Variants in MANBAL observed in about 807,000 individuals in gnomAD.
MANBAL encodes the protein mannosidase beta like.
A neutral mutation model predicts 6.4 loss-of-function variants in MANBAL; 1 was observed. The ratio of observed to expected loss-of-function variants is 0.16; its 90% CI spans 0.06 to 0.74. MANBAL has a LOEUF of 0.74. Among genes scored for constraint, MANBAL ranks in the 30% least tolerant of loss-of-function variants. The pLI is 0.78. For synonymous variants in MANBAL, 47 were observed against 45.8 expected (o/e 1.03, Z -0.10); for missense variants, 100 against 107.8 (o/e 0.93, Z 0.32).
chr20:37,306,839 T>A (rs566148343), intron 2 of MANBAL, among the ~76,000 whole-genome samples: 3 of 152,350 alleles, frequency 2.0e-5, no homozygotes, highest in South Asian at 2.1e-4. Flanking sequence ...ACAGTGCCGG[T>A]CCTTGGACTG....
intron 1 of MANBAL, among the ~76,000 whole-genome samples, chr20:37,294,221 A>G (rs2068940735): frequency 6.6e-6 from 1 of 152,182 alleles, no homozygotes; most frequent in Admixed American, 6.5e-5. Context: ...CCCCTTCTTC[A>G]GGGATTATTT....
chr20:37,316,585 CA>C lies in MANBAL; in HGVS notation c.*172del. ...TAACAGTCCCCAGGCTCCAGCTGGG[CA>C]ATCCACCACTTCCTCTTCCTTCTGC... On this transcript the variant is annotated 3_prime_UTR_variant, in exon 3 of 3. Transcript: ENST00000373606. 1 of 533,714 alleles carries C rather than the reference CA, an allele frequency of 1.9e-6. No homozygotes were observed. The highest frequency in any genetic ancestry group is 3.4e-6 in the Non-Finnish European group (1 of 295,516). 33.1% of individuals were successfully genotyped at this position (533,714 alleles called of 1,614,324 possible).
intron 2 of MANBAL, among the ~76,000 whole-genome samples, chr20:37,313,218 A>G (rs745700516): frequency 6.6e-6 from 1 of 152,030 alleles, no homozygotes; most frequent in Non-Finnish European, 1.5e-5. Flanking sequence ...CTCTACTAAA[A>G]ACATAAAAAT....
chr20:37,290,222 A>G (rs907248832), intron 1 of MANBAL, among the ~76,000 whole-genome samples: 20 of 152,252 alleles, frequency 1.3e-4, no homozygotes, highest in African/African-American at 3.9e-4. Flanking sequence ...TATGAGAAAC[A>G]TTTTTAAAAT....
chr20:37,313,769 G>A (rs145655665), intron 2 of MANBAL, among the ~76,000 whole-genome samples: 2,422 of 152,292 alleles, frequency 0.016, 22 homozygotes, highest in Middle Eastern at 0.02. Context: ...AGGAGGGGCT[G>A]CCCCCAGCTG....
At chr20:37,308,509 T>C (rs575388218) in intron 2 of MANBAL, among the ~76,000 whole-genome samples, 1 of 152,250 alleles carries the variant, frequency 6.6e-6, no homozygotes, top group Admixed American at 6.5e-5. Flanking sequence ...AAGTTCTCAA[T>C]AGGGAGTTCC....
At chr20:37,306,237 T>G (rs2069254930) in intron 2 of MANBAL, among the ~76,000 whole-genome samples, 1 of 152,204 alleles carries the variant, frequency 6.6e-6, no homozygotes, top group Non-Finnish European at 1.5e-5. Context: ...TATTAGTGGC[T>G]TTTTGGGTCA....
intron 1 of MANBAL, among the ~76,000 whole-genome samples, chr20:37,290,452 T>A (rs2068840949): frequency 6.6e-6 from 1 of 152,056 alleles, no homozygotes; most frequent in South Asian, 2.1e-4. Context: ...TTTTTTTTTT[T>A]TTAAAGCCAT....
chr20:37,309,623 C>A (rs1179733100), intron 2 of MANBAL, among the ~76,000 whole-genome samples: 2 of 152,164 alleles, frequency 1.3e-5, no homozygotes, highest in Non-Finnish European at 2.9e-5. Flanking sequence ...AGTGTTTAGA[C>A]CCCTGATGAT....
intron 1 of MANBAL, among the ~76,000 whole-genome samples, chr20:37,295,067 T>C (rs1339980142): frequency 1.3e-5 from 2 of 152,220 alleles, no homozygotes; most frequent in Admixed American, 6.5e-5. Flanking sequence ...AGGACAGGGC[T>C]AGAGACCAGG....
At chr20:37,308,253 T>C (rs906032372) in intron 2 of MANBAL, among the ~76,000 whole-genome samples, 10 of 151,988 alleles carry the variant, frequency 6.6e-5, no homozygotes, top group Admixed American at 6.6e-4. Flanking sequence ...GATGGGAAGG[T>C]CCATTCCCAC....
At chr20:37,294,130 CT>C (rs2068938350) in intron 1 of MANBAL, among the ~76,000 whole-genome samples, 1 of 152,212 alleles carries the variant, frequency 6.6e-6, no homozygotes, top group African/African-American at 2.4e-5. Context: ...AAACTTTACT[CT>C]TTGTGCTGTC....
chr20:37,290,432 T>C (rs1007882380), intron 1 of MANBAL, among the ~76,000 whole-genome samples: 1 of 147,382 alleles, frequency 6.8e-6, no homozygotes, highest in Non-Finnish European at 1.5e-5. Context: ...GGTAACTTCT[T>C]TTTCTTTCCT....
intron 2 of MANBAL, among the ~76,000 whole-genome samples, chr20:37,314,437 C>T (rs2069458813): frequency 1.3e-5 from 2 of 152,114 alleles, no homozygotes; most frequent in African/African-American, 4.8e-5. Flanking sequence ...GCAACTGGGT[C>T]TCACTGTCCC....
At chr20:37,313,515 G>T (rs1479034133) in intron 2 of MANBAL, among the ~76,000 whole-genome samples, 1 of 152,064 alleles carries the variant, frequency 6.6e-6, no homozygotes, top group African/African-American at 2.4e-5. Context: ...GACCAGCTTG[G>T]CCAACATGAT....
intron 1 of MANBAL, among the ~76,000 whole-genome samples, chr20:37,294,111 G>A (rs2068937609): frequency 6.6e-6 from 1 of 152,272 alleles, no homozygotes; most frequent in Admixed American, 6.5e-5. Flanking sequence ...AAAAATATTT[G>A]CATACATTAA....
At chr20:37,306,187 G>A (rs1024123207) in intron 2 of MANBAL, among the ~76,000 whole-genome samples, 2 of 152,148 alleles carry the variant, frequency 1.3e-5, no homozygotes, top group Admixed American at 1.3e-4. Flanking sequence ...TTTGCTCAGG[G>A]CAAAATCTTC....
chr20:37,299,722 G>T (rs749829343), intron 1 of MANBAL, among the ~76,000 whole-genome samples: 26 of 152,230 alleles, frequency 1.7e-4, no homozygotes, highest in Non-Finnish European at 2.8e-4. Context: ...GAAGAGGAGG[G>T]TGACAGGAGA....
chr20:37,298,642 C>T, intron 1 of MANBAL: 1 of 152,120 alleles, frequency 6.6e-6, no homozygotes, highest in Admixed American at 6.5e-5. Flanking sequence ...TTTGCTTATC[C>T]ATTCATCTGT....
Sources: gnomAD v4.1 joint callset for allele counts (sites outside exome capture counted in the v4.1 genomes callset) on GRCh38, gnomAD v4.1.1 for gene constraint, MANE v1.5 for transcripts, NCBI Gene and HGNC (gene_info 2026-07-23, HGNC 2026-07-21) for gene names.